Variants in SLC8A1 observed in about 807,000 individuals in gnomAD.
SLC8A1 encodes the protein solute carrier family 8 member A1, also known as sodium/calcium exchanger 1.
SLC8A1 carries 18 observed loss-of-function variants against 68.3 expected under a neutral mutation model. That is an observed-to-expected ratio of 0.26 (90% CI 0.18 to 0.39). The LOEUF is 0.39. Among genes scored for constraint, SLC8A1 ranks in the 10% least tolerant of loss-of-function variants. The pLI is 1.00. For missense variants in SLC8A1, 985 were observed against 1,156.7 expected (o/e 0.85, Z 2.15); for synonymous variants, 475 against 415.5 (o/e 1.14, Z -1.74).
At chr2:40,428,163 C>T (rs1697361682) in intron 2 of SLC8A1, among the ~76,000 whole-genome samples, 1 of 152,020 alleles carries the variant, frequency 6.6e-6, no homozygotes, top group Non-Finnish European at 1.5e-5. Context: ...CTCAGCCTGT[C>T]TTAAGTCATC....
At chr2:40,470,121 C>G (rs1193010790) in intron 1 of SLC8A1, among the ~76,000 whole-genome samples, 1 of 152,112 alleles carries the variant, frequency 6.6e-6, no homozygotes, top group Non-Finnish European at 1.5e-5. Context: ...TCTGCATACT[C>G]TTCTTATTTT....
At chr2:40,226,803 A>C (rs1228295705) in intron 2 of SLC8A1, among the ~76,000 whole-genome samples, 2 of 152,170 alleles carry the variant, frequency 1.3e-5, no homozygotes, top group African/African-American at 4.8e-5. Flanking sequence ...ATAATCCTGA[A>C]ATTAGTTAAT....
exon 8 of SLC8A1, chr2:40,114,033 T>C (rs1412160292): frequency 6.5e-6 from 1 of 152,778 alleles, no homozygotes; most frequent in African/African-American, 2.4e-5. Context: ...AGCACAAAAG[T>C]AACAACTCAG....
intron 2 of SLC8A1, among the ~76,000 whole-genome samples, chr2:40,310,315 G>C (rs1379247453): frequency 1.3e-5 from 2 of 152,138 alleles, no homozygotes; most frequent in Admixed American, 1.3e-4. Context: ...CAAGTAGTTG[G>C]GTTAACCCAG....
intron 2 of SLC8A1, among the ~76,000 whole-genome samples, chr2:40,239,766 C>T (rs1175072609): frequency 6.6e-6 from 1 of 152,194 alleles, no homozygotes; most frequent in African/African-American, 2.4e-5. Context: ...CCTGAATTTT[C>T]ATTCCCCACT....
At chr2:40,370,027 C>G (rs1677537146) in intron 2 of SLC8A1, among the ~76,000 whole-genome samples, 1 of 152,094 alleles carries the variant, frequency 6.6e-6, no homozygotes, top group South Asian at 2.1e-4. Context: ...ACTGTAAAAT[C>G]TTATCTGTTG....
At chr2:40,117,799 T>C (rs2035818028) in intron 7 of SLC8A1, among the ~76,000 whole-genome samples, 1 of 152,176 alleles carries the variant, frequency 6.6e-6, no homozygotes, top group Non-Finnish European at 1.5e-5. Flanking sequence ...TGTTATGCTA[T>C]TGCCACCATC....
Position 40,493,334 on chromosome 2 carries a change from G to C in SLC8A1, c.-25+19015C>G, listed in dbSNP as rs1350181288. 6.7e-5 allele frequency among the ~76,000 whole-genome samples: 9 copies of C among 134,932 alleles called. No homozygotes were observed. The East Asian group carries it at 2.8e-3, about 42-fold the overall frequency. 88.5% of individuals were successfully genotyped at this position (134,932 alleles called of 152,430 possible). Reference sequence around the variant, plus strand: ...CACAGGAAGGGGAACATCACTCTCTGGGGACTGTTGTGGGGTGGGGGGGAG... The same window carrying C: ...CACAGGAAGGGGAACATCACTCTCTCGGGACTGTTGTGGGGTGGGGGGGAG... On this transcript the variant is annotated intron_variant, in intron 1 of 7. Transcript: ENST00000402441.
intron 6 of SLC8A1, among the ~76,000 whole-genome samples, chr2:40,157,139 A>C (rs2044685798): frequency 6.6e-6 from 1 of 152,204 alleles, no homozygotes; most frequent in Non-Finnish European, 1.5e-5. Flanking sequence ...AATTAACTGC[A>C]TTTGCACAAA....
chr2:40,231,886 C>G (rs916062274), intron 2 of SLC8A1, among the ~76,000 whole-genome samples: 2 of 152,110 alleles, frequency 1.3e-5, no homozygotes, highest in African/African-American at 4.8e-5. Context: ...GACACTGGAA[C>G]CAAACTTGGC....
At chr2:40,115,598 C>T in exon 8 of SLC8A1, 1 of 1,611,102 alleles carries the variant, frequency 6.2e-7, no homozygotes, top group Non-Finnish European at 8.5e-7. Flanking sequence ...CATACTGGTC[C>T]TGGGTGGCTG....
At chr2:40,290,293 T>C (rs751867765) in intron 2 of SLC8A1, among the ~76,000 whole-genome samples, 1 of 152,202 alleles carries the variant, frequency 6.6e-6, no homozygotes, top group Non-Finnish European at 1.5e-5. Context: ...TCTTTGTTTT[T>C]ATCTTGGTTT....
exon 7 of SLC8A1, chr2:40,139,456 G>T: frequency 6.2e-7 from 1 of 1,614,144 alleles, no homozygotes; most frequent in Non-Finnish European, 8.5e-7. Flanking sequence ...AATCTTTCAG[G>T]CCAATGGTGC....
intron 1 of SLC8A1, among the ~76,000 whole-genome samples, chr2:40,470,007 A>G (rs1559753178): frequency 6.6e-6 from 1 of 152,116 alleles, no homozygotes; most frequent in Non-Finnish European, 1.5e-5. Context: ...GGGATTTTTA[A>G]AATAACTTTC....
chr2:40,450,169 G>C (rs971604793), intron 1 of SLC8A1, among the ~76,000 whole-genome samples: 1 of 152,130 alleles, frequency 6.6e-6, no homozygotes, highest in East Asian at 1.9e-4. Flanking sequence ...AATTAAGCAA[G>C]TTTAGCAAAC....
chr2:40,277,792 GTGTATA>G (rs1330335298), intron 2 of SLC8A1, among the ~76,000 whole-genome samples: 204 of 92,180 alleles, frequency 2.2e-3, no homozygotes, highest in African/African-American at 8.9e-3. Context: ...ATATATATGT[GTGTATA>G]TATATATATA....
intron 2 of SLC8A1, among the ~76,000 whole-genome samples, chr2:40,189,617 T>C (rs2051369859): frequency 6.6e-6 from 1 of 152,156 alleles, no homozygotes. Context: ...CCTGGCCCAT[T>C]TTCCTGCATA....
chr2:40,472,180 T>G (rs1339951472), intron 1 of SLC8A1, among the ~76,000 whole-genome samples: 1 of 152,194 alleles, frequency 6.6e-6, no homozygotes, highest in Non-Finnish European at 1.5e-5. Flanking sequence ...TGCAGTAAAC[T>G]TACACACGCA....
intron 2 of SLC8A1, among the ~76,000 whole-genome samples, chr2:40,378,083 A>G (rs1293700863): frequency 6.6e-6 from 1 of 152,118 alleles, no homozygotes; most frequent in African/African-American, 2.4e-5. Context: ...GGAGCTGGTG[A>G]TAAATCAGTG....
Sources: gnomAD v4.1 joint callset for allele counts (sites outside exome capture counted in the v4.1 genomes callset) on GRCh38, gnomAD v4.1.1 for gene constraint, MANE v1.5 for transcripts, NCBI Gene and HGNC (gene_info 2026-07-23, HGNC 2026-07-21) for gene names.